ANKMY2: variants seen among roughly 807,000 people sequenced by gnomAD.
ANKMY2 encodes the protein ankyrin repeat and MYND domain containing 2, also known as ankyrin repeat and MYND domain-containing protein 2.
ANKMY2 carries 36 observed loss-of-function variants against 50.4 expected under a neutral mutation model. The observed-to-expected ratio is 0.71, with a 90% CI of 0.55 to 0.94. ANKMY2 has a LOEUF of 0.94. Among genes scored for constraint, ANKMY2 ranks in the 40% least tolerant of loss-of-function variants. ANKMY2 has a pLI of 0.00. For synonymous variants in ANKMY2, 187 were observed against 178.8 expected (o/e 1.05, Z -0.36); for missense variants, 565 against 524.0 (o/e 1.08, Z -0.76).
At chr7:16,616,235 C>G (rs1173430962) in intron 4 of ANKMY2, among the ~76,000 whole-genome samples, 1 of 152,114 alleles carries the variant, frequency 6.6e-6, no homozygotes, top group Non-Finnish European at 1.5e-5. Context: ...GTCTCTTCTT[C>G]CCAGCCTACG....
At chr7:16,622,262 G>A (rs1400767150) in intron 4 of ANKMY2, among the ~76,000 whole-genome samples, 1 of 152,154 alleles carries the variant, frequency 6.6e-6, no homozygotes, top group Non-Finnish European at 1.5e-5. Context: ...ATCCACAAAA[G>A]TGAAAATACA....
rs1781233225 is a variant in ANKMY2 at position 16,610,629 on chromosome 7, C to T, written c.666G>A (p.Met222Ile). ...RDMNEVLAMK[M>I]HYISCIFQKC... ...TCTGAAAGATACAGCTTATGTAATG[C>T]ATCTTCATAGCCAATACTTCATTCA... Residue 222 changes from methionine to isoleucine, a missense_variant, in exon 6 of 10, where the codon ATG becomes ATA. Coordinates refer to ENST00000306999, the MANE Select transcript of ANKMY2 (RefSeq NM_020319.3). The T allele has an allele frequency of 6.2e-7, 1 of 1,613,824 alleles. No homozygotes were observed. The highest frequency in any genetic ancestry group is 1.7e-5 in the Admixed American group (1 of 60,006).
intron 1 of ANKMY2, 59 bp downstream of exon 1, chr7:16,645,448 G>T (rs1184462736): frequency 7.9e-6 from 12 of 1,528,280 alleles, no homozygotes; most frequent in Non-Finnish European, 8.8e-7. Context: ...CGCCCCCCGG[G>T]CTCCGCCACG....
intron 2 of ANKMY2, among the ~76,000 whole-genome samples, chr7:16,633,684 T>C (rs886517632): frequency 6.6e-6 from 1 of 152,220 alleles, no homozygotes; most frequent in Non-Finnish European, 1.5e-5. Context: ...GTATAATACA[T>C]GGATTAATTT....
chr7:16,628,913 A>T (rs924678306), intron 2 of ANKMY2, among the ~76,000 whole-genome samples: 2 of 51,684 alleles, frequency 3.9e-5, no homozygotes, highest in African/African-American at 2.5e-4. Context: ...TAGTTTAAAC[A>T]AAACAAAACA....
chr7:16,636,524 G>A lies in ANKMY2; in HGVS notation c.68-69C>T, dbSNP rs193069357. On this transcript the variant is annotated intron_variant, in intron 1 of 9. Transcript: ENST00000306999. ...GAATAAGAGAAAAATCTAACATCAAGGAAATAAACCTTAAGGAGTTATCTG... is the reference window on the plus strand; with the variant it reads ...GAATAAGAGAAAAATCTAACATCAAAGAAATAAACCTTAAGGAGTTATCTG... 2.3e-5 allele frequency: 29 copies of A among 1,274,418 alleles called. No homozygotes were observed. In the East Asian group the frequency reaches 6.5e-4, roughly 29 times the overall value. The allele number at this position is 1,274,418 out of a possible 1,614,324, so 78.9% of individuals were successfully genotyped here. A position where few individuals can be genotyped will look rare whatever the true frequency, so the allele number is the denominator to read the frequency against.
chr7:16,600,092 A>C lies in ANKMY2; in HGVS notation c.*669T>G, dbSNP rs1179051725. ...AGTACCTTTTTTAATGCATACGCTG[A>C]GAGAACCGTCAATATGCCTTTGTTC... is the stretch of plus-strand genomic sequence containing the variant. On this transcript the variant is annotated 3_prime_UTR_variant, in exon 10 of 10. Transcript: ENST00000306999. 1 of 152,202 alleles carries C rather than the reference A, an allele frequency of 6.6e-6. No individual in the cohort carries two copies. Among genetic ancestry groups the C allele is most frequent in the African/African-American group, 2.4e-5 (1 of 41,454 alleles). The allele number at this position is 152,202 out of a possible 1,614,324, so 9.4% of individuals were successfully genotyped here.
At chr7:16,642,188 A>G (rs949919772) in intron 1 of ANKMY2, among the ~76,000 whole-genome samples, 2 of 152,202 alleles carry the variant, frequency 1.3e-5, no homozygotes, top group Non-Finnish European at 2.9e-5. Flanking sequence ...CAGGTACTAA[A>G]TAAGAGAAGT....
chr7:16,611,606 G>A (rs575201674), intron 5 of ANKMY2, among the ~76,000 whole-genome samples: 1 of 152,192 alleles, frequency 6.6e-6, no homozygotes, highest in African/African-American at 2.4e-5. Context: ...AGAGAATAGG[G>A]GTGGGTCCTT....
At chr7:16,628,717 A>G (rs1249423124) in intron 2 of ANKMY2, among the ~76,000 whole-genome samples, 1 of 152,144 alleles carries the variant, frequency 6.6e-6, no homozygotes, top group Non-Finnish European at 1.5e-5. Flanking sequence ...GCCCATCAGA[A>G]AGGCCACCAC....
chr7:16,645,287 T>G (rs1781818520), intron 1 of ANKMY2, among the ~76,000 whole-genome samples: 1 of 152,146 alleles, frequency 6.6e-6, no homozygotes, highest in South Asian at 2.1e-4. Context: ...AGGCCGAGCC[T>G]CTGTAACTAC....
At chr7:16,622,637 G>A (rs1781452265) in intron 4 of ANKMY2, among the ~76,000 whole-genome samples, 2 of 152,038 alleles carry the variant, frequency 1.3e-5, no homozygotes, top group Admixed American at 1.3e-4. Flanking sequence ...CTAGTTGGGA[G>A]GCTGAGGCAG....
intron 3 of ANKMY2, 67 bp from the exon 4 acceptor site, chr7:16,625,148 ACTCT>A: frequency 8.1e-7 from 1 of 1,231,640 alleles, no homozygotes; most frequent in Admixed American, 1.7e-5. Flanking sequence ...CCCTTTCTAA[ACTCT>A]CTATACCCTT....
chr7:16,623,875 C>G (rs184680439), intron 4 of ANKMY2, among the ~76,000 whole-genome samples: 33 of 152,262 alleles, frequency 2.2e-4, no homozygotes, highest in Non-Finnish European at 2.9e-5. Context: ...AACTGAGTGT[C>G]TGGCTTAATC....
At chr7:16,621,980 T>A (rs1050039125) in intron 4 of ANKMY2, among the ~76,000 whole-genome samples, 86 of 145,088 alleles carry the variant, frequency 5.9e-4, no homozygotes, top group East Asian at 3.6e-3. Context: ...AAAAAATAAA[T>A]AAATAAATAA....
chr7:16,604,665 C>A, intron 8 of ANKMY2, 56 bp downstream of exon 8: 1 of 1,570,068 alleles, frequency 6.4e-7, no homozygotes, highest in Non-Finnish European at 8.6e-7. Flanking sequence ...ACTCAATCAT[C>A]AGCTTGGCTG....
At chr7:16,625,122 G>T in intron 3 of ANKMY2, 41 bp from the exon 4 acceptor site, 1 of 1,513,586 alleles carries the variant, frequency 6.6e-7, no homozygotes, top group South Asian at 1.1e-5. Context: ...TGTTAAGGAG[G>T]ACACAATTTA....
In ANKMY2 at chr7:16,619,768, T is replaced by C. The variant is rs1386419221; in HGVS notation, c.371-3864A>G. On this transcript the variant is annotated intron_variant, in intron 4 of 9. Coordinates refer to ENST00000306999, the MANE Select transcript of ANKMY2 (RefSeq NM_020319.3). ...GCCAGTACATCATTTTGCTCCCATA[T>C]TACAATCACTAGATTTGAGTCCTCT... Among the ~76,000 whole-genome samples the C allele has an allele frequency of 3.9e-5, 6 of 152,298 alleles. No individual in the cohort carries two copies. The Middle Eastern group carries it at 0.014, about 345-fold the overall frequency.
At chr7:16,620,383 T>C (rs1388412661) in intron 4 of ANKMY2, among the ~76,000 whole-genome samples, 2 of 152,170 alleles carry the variant, frequency 1.3e-5, no homozygotes, top group African/African-American at 2.4e-5. Context: ...ACAGGTATGA[T>C]TGGCACAGGT....
Sources: allele counts gnomAD v4.1 joint callset (sites outside exome capture counted in the v4.1 genomes callset), GRCh38; gene constraint gnomAD v4.1.1; transcripts MANE v1.5; gene names NCBI Gene and HGNC (gene_info 2026-07-23, HGNC 2026-07-21).